Variants in SHISAL1 observed in about 807,000 individuals in gnomAD.
The protein encoded by SHISAL1 is protein shisa-like-1.
A neutral mutation model predicts 22.6 loss-of-function variants in SHISAL1; 9 were observed. The ratio of observed to expected loss-of-function variants is 0.40; its 90% confidence interval spans 0.24 to 0.70. SHISAL1 has a LOEUF of 0.70. SHISAL1 is among the 30% of genes least tolerant of loss of function. The pLI is 0.39. For missense variants in SHISAL1, 246 were observed against 270.6 expected, an observed-to-expected ratio of 0.91 and a Z score of 0.64; for synonymous variants, 119 against 115.4, an observed-to-expected ratio of 1.03 and a Z score of -0.20.
upstream of SHISAL1, among the ~76,000 whole-genome samples, chr22:44,315,270 T>C (rs2055550823): frequency 6.6e-6 from 1 of 151,790 alleles, no homozygotes. Context: ...TAAAGAAAAA[T>C]AATGATTACA....
intron 4 of SHISAL1, among the ~76,000 whole-genome samples, chr22:44,279,314 A>G (rs1050847785): frequency 6.6e-6 from 1 of 152,202 alleles, no homozygotes; most frequent in South Asian, 2.1e-4. Flanking sequence ...CTCCATCCCC[A>G]CTCAGGACAT....
At position 44,285,501 on chromosome 22, in the gene SHISAL1, G is replaced by C. The variant is rs768115562; in HGVS notation, c.526C>G (p.Pro176Ala). Residue 176 changes from proline (P) to alanine (A), a missense_variant, in exon 4 of 5, where the codon CCA (proline) becomes GCA (alanine). Pro to Ala is a conservative substitution (Grantham distance 27). Transcript: ENST00000381176. ...CCCCGCAATGTGTGCACGGCCTGTG[G>C]GGCTTGTGGCAGCGGGCCTGGGGGA... ...QPPPGPLPQAPQAVHTLRGDA... is the reference protein window; with the variant it reads ...QPPPGPLPQAAQAVHTLRGDA... 37 of 1,613,884 alleles carry C rather than the reference G, an allele frequency of 2.3e-5. No individual in the cohort carries two copies. Among genetic ancestry groups the C allele is most frequent in the Non-Finnish European group, 3.0e-5 (35 of 1,179,888 alleles).
At chr22:44,288,318 G>A (rs888103003) in intron 3 of SHISAL1, among the ~76,000 whole-genome samples, 2 of 152,132 alleles carry the variant, frequency 1.3e-5, no homozygotes, top group African/African-American at 2.4e-5. Flanking sequence ...CCTTGGCTGC[G>A]GCCACCCGGG....
At chr22:44,302,298 C>T (rs1220974643) in intron 1 of SHISAL1, among the ~76,000 whole-genome samples, 8 of 148,458 alleles carry the variant, frequency 5.4e-5, no homozygotes, top group South Asian at 2.1e-4. Context: ...TGAGATCACG[C>T]CATTGCACTC....
upstream of SHISAL1, among the ~76,000 whole-genome samples, chr22:44,314,796 T>C (rs2147315247): frequency 6.6e-6 from 1 of 152,052 alleles, no homozygotes; most frequent in South Asian, 2.1e-4. Flanking sequence ...GCCCAGTGGA[T>C]GAATAGGAAA....
At chr22:44,290,538 A>AAAAAAAAAAAAC (rs1555928958) in intron 3 of SHISAL1, among the ~76,000 whole-genome samples, 2 of 150,560 alleles carry the variant, frequency 1.3e-5, no homozygotes, top group African/African-American at 5.0e-5. Flanking sequence ...TCAAAAAAAA[A>AAAAAAAAAAAAC]AAAAAACAAA....
At chr22:44,321,237 G>C in the SHISAL1 span, among the ~76,000 whole-genome samples, 7 of 152,168 alleles carry the variant, frequency 4.6e-5, no homozygotes, top group African/African-American at 1.7e-4. Flanking sequence ...CCTGCGACGA[G>C]AGTCCTCCAG....
At chr22:44,259,593 G>T (rs1193023813) in intron 4 of SHISAL1, among the ~76,000 whole-genome samples, 2 of 152,114 alleles carry the variant, frequency 1.3e-5, no homozygotes, top group African/African-American at 4.8e-5. Context: ...TCCTGCCCCT[G>T]GGCTTGTGCA....
chr22:44,259,382 G>A (rs1327075541), intron 4 of SHISAL1, among the ~76,000 whole-genome samples: 1 of 151,816 alleles, frequency 6.6e-6, no homozygotes, highest in Admixed American at 6.6e-5. Context: ...AGGTTGCAGT[G>A]AGCCGATATC....
chr22:44,311,464 C>G (rs1049081536), intron 1 of SHISAL1, among the ~76,000 whole-genome samples: 4 of 152,236 alleles, frequency 2.6e-5, no homozygotes, highest in African/African-American at 9.6e-5. Flanking sequence ...CCACCATGCC[C>G]CAGCCAGCTG....
At chr22:44,330,272 G>A in the SHISAL1 span, among the ~76,000 whole-genome samples, 17 of 152,226 alleles carry the variant, frequency 1.1e-4, no homozygotes, top group Admixed American at 3.3e-4. Context: ...ATGAGGAAAC[G>A]GGCTGGGAAG....
intron 4 of SHISAL1, among the ~76,000 whole-genome samples, chr22:44,255,127 A>G (rs1282124255): frequency 6.6e-6 from 1 of 151,764 alleles, no homozygotes; most frequent in African/African-American, 2.4e-5. Flanking sequence ...CTTCTCCACA[A>G]TTTCTACTCA....
At chr22:44,270,939 T>C (rs2055201673) in intron 4 of SHISAL1, among the ~76,000 whole-genome samples, 1 of 152,176 alleles carries the variant, frequency 6.6e-6, no homozygotes, top group African/African-American at 2.4e-5. Flanking sequence ...CTAGAGAAGC[T>C]GTGAGTAAGC....
intron 4 of SHISAL1, among the ~76,000 whole-genome samples, chr22:44,271,076 C>G (rs1042596872): frequency 6.6e-6 from 1 of 152,118 alleles, no homozygotes; most frequent in African/African-American, 2.4e-5. Flanking sequence ...GAGTGGGGTA[C>G]TGAGCTAGGC....
At chr22:44,289,123 C>T (rs576397581) in intron 3 of SHISAL1, among the ~76,000 whole-genome samples, 3 of 152,336 alleles carry the variant, frequency 2.0e-5, no homozygotes, top group Non-Finnish European at 4.4e-5. Flanking sequence ...TGTTATGCGC[C>T]AGTGCCCTGT....
upstream of SHISAL1, among the ~76,000 whole-genome samples, chr22:44,317,352 G>GC (rs1462586574): frequency 6.6e-6 from 1 of 152,208 alleles, no homozygotes; most frequent in Non-Finnish European, 1.5e-5. Flanking sequence ...GGCGGTCCGC[G>GC]CCCAGGAGGA....
intron 1 of SHISAL1, among the ~76,000 whole-genome samples, chr22:44,301,264 C>T (rs2055427080): frequency 6.6e-6 from 1 of 152,238 alleles, no homozygotes; most frequent in Non-Finnish European, 1.5e-5. Context: ...CCGGCAGAGG[C>T]TGGTGGCCAG....
chr22:44,260,543 G>T (rs1454387757), intron 4 of SHISAL1, among the ~76,000 whole-genome samples: 1 of 152,228 alleles, frequency 6.6e-6, no homozygotes, highest in African/African-American at 2.4e-5. Context: ...GCTTGGAGAG[G>T]AGGTCCAGGT....
At position 44,285,724 on chromosome 22, in the gene SHISAL1, T is replaced by G. The variant is rs769112334; in HGVS notation, c.303A>C (p.Gly101=). 6.2e-7 allele frequency: 1 copy of G among 1,612,868 alleles called. No homozygotes were observed. Among genetic ancestry groups the G allele is most frequent in the Non-Finnish European group, 8.5e-7 (1 of 1,179,016 alleles). ...ACACGAAAAATCCATAGATCCACAC[T>G]CCCAACAAGGCGGTGTAATTGCTGC... The part of the protein sequence containing the change: ...YMHNNYTALL[G]VWIYGFFVLM... The change falls in exon 4 of 5, where the codon GGA becomes GGC. Residue 101 remains glycine, a synonymous_variant. Coordinates refer to ENST00000381176, the MANE Select transcript of SHISAL1 (RefSeq NM_001099294.2).
Sources: gnomAD v4.1 joint callset for allele counts (sites outside exome capture counted in the v4.1 genomes callset) on GRCh38, gnomAD v4.1.1 for gene constraint, MANE v1.5 for transcripts, NCBI Gene and HGNC (gene_info 2026-07-23, HGNC 2026-07-21) for gene names.